The following NR2F1-AS1 variants were observed in gnomAD, a reference collection of about 807,000 sequenced individuals.
NR2F1-AS1 encodes the protein NR2F1 antisense RNA 1.
At chr5:93,559,660 A>C (rs1752442328) in intron 2 of NR2F1-AS1, among the ~76,000 whole-genome samples, 1 of 152,162 alleles carries the variant, frequency 6.6e-6, no homozygotes, top group Admixed American at 6.5e-5. Flanking sequence ...TAGCGTTATT[A>C]ACTGGCACAA....
intron 1 of NR2F1-AS1, among the ~76,000 whole-genome samples, chr5:93,574,683 A>AT (rs538113935): frequency 2.6e-5 from 4 of 151,978 alleles, no homozygotes; most frequent in South Asian, 2.1e-4. Flanking sequence ...ACTTTGTTTG[A>AT]TTTTTTTCCC....
intron 4 of NR2F1-AS1, among the ~76,000 whole-genome samples, chr5:93,530,130 G>T (rs957189133): frequency 6.8e-6 from 1 of 146,156 alleles, no homozygotes; most frequent in African/African-American, 2.6e-5. Context: ...GCCCAGGCTG[G>T]AGTGCAGTGG....
chr5:93,527,722 A>G (rs1349616146), intron 4 of NR2F1-AS1, among the ~76,000 whole-genome samples: 3 of 152,198 alleles, frequency 2.0e-5, no homozygotes, highest in Non-Finnish European at 4.4e-5. Context: ...TCTTTGACAA[A>G]CCTGACAAAA....
chr5:93,574,952 G>C (rs146353531), intron 1 of NR2F1-AS1, among the ~76,000 whole-genome samples: 343 of 152,334 alleles, frequency 2.3e-3, no homozygotes, highest in Middle Eastern at 0.014. Flanking sequence ...AAGGAGAGGA[G>C]TTAAAGAGGG....
chr5:93,470,576 T>C (rs1298563308), intron 4 of NR2F1-AS1, among the ~76,000 whole-genome samples: 1 of 151,826 alleles, frequency 6.6e-6, no homozygotes, highest in African/African-American at 2.4e-5. Context: ...ATCTAAAGAT[T>C]TGAATCACCT....
At chr5:93,526,643 C>T (rs1367825891) in intron 4 of NR2F1-AS1, among the ~76,000 whole-genome samples, 1 of 152,188 alleles carries the variant, frequency 6.6e-6, no homozygotes, top group African/African-American at 2.4e-5. Flanking sequence ...AAAAGCTTAT[C>T]TACCACAATC....
chr5:93,550,960 C>G (rs190551972), intron 4 of NR2F1-AS1, among the ~76,000 whole-genome samples: 25 of 150,934 alleles, frequency 1.7e-4, no homozygotes, highest in African/African-American at 4.9e-4. Flanking sequence ...CAGTAAAATT[C>G]TTAGGTTTTT....
At chr5:93,489,278 CCTT>C (rs1750788842) in intron 4 of NR2F1-AS1, among the ~76,000 whole-genome samples, 1 of 151,510 alleles carries the variant, frequency 6.6e-6, no homozygotes. Context: ...CCACCCTAAA[CCTT>C]CAGCAACCAC....
intron 1 of NR2F1-AS1, among the ~76,000 whole-genome samples, chr5:93,571,714 T>C (rs1173030740): frequency 6.8e-6 from 1 of 146,222 alleles, no homozygotes; most frequent in Non-Finnish European, 1.5e-5. Flanking sequence ...TTGGAGTCGT[T>C]TCTCTTTTTG....
chr5:93,504,877 C>T (rs977403134), intron 4 of NR2F1-AS1, among the ~76,000 whole-genome samples: 2 of 152,054 alleles, frequency 1.3e-5, no homozygotes, highest in African/African-American at 4.8e-5. Flanking sequence ...TCATCCTGCC[C>T]CTGGTCCCAC....
intron 1 of NR2F1-AS1, among the ~76,000 whole-genome samples, chr5:93,580,218 G>T (rs942753636): frequency 1.3e-5 from 2 of 152,218 alleles, no homozygotes; most frequent in Non-Finnish European, 2.9e-5. Flanking sequence ...GTGGATTGCT[G>T]CTCGCCTGGC....
At chr5:93,510,953 A>G (rs1751282461) in intron 4 of NR2F1-AS1, among the ~76,000 whole-genome samples, 1 of 152,220 alleles carries the variant, frequency 6.6e-6, no homozygotes, top group Non-Finnish European at 1.5e-5. Context: ...GGTATAAATG[A>G]CAGGAAATGG....
At chr5:93,442,990 G>T (rs1324823719) in intron 4 of NR2F1-AS1, among the ~76,000 whole-genome samples, 1 of 152,192 alleles carries the variant, frequency 6.6e-6, no homozygotes, top group Non-Finnish European at 1.5e-5. Flanking sequence ...CTCACTGTTA[G>T]AAGGAAAACT....
chr5:93,581,792 C>CT (rs1283479178), upstream of NR2F1-AS1, among the ~76,000 whole-genome samples: 5 of 63,164 alleles, frequency 7.9e-5, no homozygotes, highest in African/African-American at 3.1e-4. Context: ...TCTCCCTCTC[C>CT]CTCTCCCTCT....
intron 4 of NR2F1-AS1, among the ~76,000 whole-genome samples, chr5:93,457,102 A>G (rs1056149521): frequency 1.3e-5 from 2 of 152,094 alleles, no homozygotes; most frequent in Non-Finnish European, 2.9e-5. Context: ...CCTTCCTCTT[A>G]TCTCAACTGC....
intron 4 of NR2F1-AS1, among the ~76,000 whole-genome samples, chr5:93,516,238 ACT>A (rs1164649277): frequency 6.6e-6 from 1 of 151,724 alleles, no homozygotes; most frequent in Admixed American, 6.6e-5. Flanking sequence ...AGATTACAAG[ACT>A]CTAACCTGAA....
At chr5:93,436,097 G>A (rs1020825317) in intron 4 of NR2F1-AS1, among the ~76,000 whole-genome samples, 4 of 152,054 alleles carry the variant, frequency 2.6e-5, no homozygotes, top group Non-Finnish European at 4.4e-5. Context: ...AACAAACAAG[G>A]ATCAAGTAGA....
chr5:93,581,646 G>A (rs1360777511), upstream of NR2F1-AS1, among the ~76,000 whole-genome samples: 3 of 119,590 alleles, frequency 2.5e-5, no homozygotes, highest in African/African-American at 9.7e-5. Flanking sequence ...ATCACCTTCA[G>A]GATTCAGGAA....
intron 2 of NR2F1-AS1, among the ~76,000 whole-genome samples, chr5:93,560,110 A>G (rs1460268541): frequency 1.3e-5 from 2 of 152,220 alleles, no homozygotes; most frequent in African/African-American, 2.4e-5. Flanking sequence ...CTTCATCAAT[A>G]AAATGGTAGT....
Sources: allele counts gnomAD v4.1 joint callset (sites outside exome capture counted in the v4.1 genomes callset), GRCh38; gene constraint gnomAD v4.1.1; transcripts MANE v1.5; gene names NCBI Gene and HGNC (gene_info 2026-07-23, HGNC 2026-07-21).